WWOX: variants seen among roughly 807,000 people sequenced by gnomAD.
The protein encoded by WWOX is WW domain containing oxidoreductase, also known as WW domain-containing oxidoreductase.
Under a neutral mutation model 46.2 loss-of-function variants are expected in WWOX, and 69 were observed. The ratio of observed to expected loss-of-function variants is 1.49; its 90% CI spans 1.23 to 1.82. The LOEUF is 1.82. WWOX is among the 40% of genes most tolerant of loss of function. The probability of loss-of-function intolerance (pLI) is 0.00; values close to 1 mark genes in which losing one functional copy is unlikely to be tolerated. For synonymous variants in WWOX, 359 were observed against 202.6 expected (o/e 1.77, Z -6.56); for missense variants, 919 against 542.6 (o/e 1.69, Z -6.89).
At chr16:78,598,561 C>G (rs1022558470) in intron 8 of WWOX, among the ~76,000 whole-genome samples, 3 of 152,144 alleles carry the variant, frequency 2.0e-5, no homozygotes, top group Non-Finnish European at 4.4e-5. Context: ...CAGGCAGGCT[C>G]TCAGGTCGGT....
At chr16:78,941,407 G>C (rs904244958) in intron 8 of WWOX, among the ~76,000 whole-genome samples, 4 of 152,012 alleles carry the variant, frequency 2.6e-5, no homozygotes, top group Non-Finnish European at 4.4e-5. Flanking sequence ...CCTGGAGACA[G>C]AGCGTTAGCC....
At chr16:78,329,442 C>T (rs1426875807) in intron 5 of WWOX, among the ~76,000 whole-genome samples, 1 of 152,166 alleles carries the variant, frequency 6.6e-6, no homozygotes. Flanking sequence ...ACCCTGTCGC[C>T]AGTAGCCTGG....
intron 8 of WWOX, among the ~76,000 whole-genome samples, chr16:79,023,849 G>A (rs760517500): frequency 3.1e-4 from 47 of 151,700 alleles, no homozygotes; most frequent in Admixed American, 3.3e-4. Flanking sequence ...CCAGCTACTC[G>A]GGAGGCTGAG....
intron 8 of WWOX, among the ~76,000 whole-genome samples, chr16:78,638,973 GC>G (rs1326655658): frequency 1.3e-5 from 2 of 152,048 alleles, no homozygotes; most frequent in Non-Finnish European, 2.9e-5. Flanking sequence ...GGTAGTGGGG[GC>G]TTAATTTCCT....
intron 8 of WWOX, among the ~76,000 whole-genome samples, chr16:78,854,608 T>C (rs2052525112): frequency 6.6e-6 from 1 of 152,234 alleles, no homozygotes; most frequent in African/African-American, 2.4e-5. Flanking sequence ...TGAAGCAGCA[T>C]GTTGCTTTGT....
At chr16:78,356,299 A>G (rs912989952) in intron 5 of WWOX, among the ~76,000 whole-genome samples, 2 of 144,492 alleles carry the variant, frequency 1.4e-5, no homozygotes, top group Non-Finnish European at 1.5e-5. Context: ...GTGTGTGTGT[A>G]CCTTGATTTA....
In WWOX at chr16:78,447,558, C is replaced by G. The variant is rs562708136; in HGVS notation, c.1056+14806C>G. Among the ~76,000 whole-genome samples the G allele has an allele frequency of 7.2e-4, 110 of 152,188 alleles. 1 individual carries two copies. The highest frequency in any genetic ancestry group is 1.7e-3 in the South Asian group (8 of 4,816). On this transcript the variant is annotated intron_variant, in intron 8 of 8. Coordinates refer to ENST00000566780, the MANE Select transcript of WWOX (RefSeq NM_016373.4). ...ATTCAACTACACTTAGGTAAATATC[C>G]GCATACATGCATGCCTCCCCTTAGA...
chr16:78,851,258 C>T (rs757207605), intron 8 of WWOX, among the ~76,000 whole-genome samples: 5 of 152,002 alleles, frequency 3.3e-5, no homozygotes, highest in Non-Finnish European at 7.4e-5. Context: ...ATGTGTAAAC[C>T]CAGGGTCATA....
intron 8 of WWOX, among the ~76,000 whole-genome samples, chr16:78,945,726 C>G (rs1022011372): frequency 1.3e-5 from 2 of 151,960 alleles, no homozygotes; most frequent in Non-Finnish European, 2.9e-5. Flanking sequence ...TTGCTTCATT[C>G]ATTTCTTTCC....
At chr16:78,984,442 A>C (rs1230423338) in intron 8 of WWOX, among the ~76,000 whole-genome samples, 1 of 152,226 alleles carries the variant, frequency 6.6e-6, no homozygotes, top group African/African-American at 2.4e-5. Context: ...CTGCTGTTGT[A>C]GTGCAAAAGC....
In WWOX at chr16:78,828,543, ATAATT is replaced by A. The variant is rs148888730; in HGVS notation, c.1057-383057_1057-383053del. On this transcript the variant is annotated intron_variant, in intron 8 of 8. Coordinates refer to ENST00000566780, the MANE Select transcript of WWOX (RefSeq NM_016373.4). Reference sequence around the variant, plus strand: ...CATTAGTATATAATTATATATAATAATAATTTAATTTATAACTATATCATTTATTA... The same window carrying A: ...CATTAGTATATAATTATATATAATAATAATTTATAACTATATCATTTATTA... 5.2e-3 allele frequency among the ~76,000 whole-genome samples: 795 copies of A among 151,642 alleles called. 6 individuals carry two copies. Among genetic ancestry groups the A allele is most frequent in the African/African-American group, 0.018 (742 of 41,428 alleles).
At chr16:78,808,076 C>A (rs1312402190) in intron 8 of WWOX, among the ~76,000 whole-genome samples, 1 of 152,196 alleles carries the variant, frequency 6.6e-6, no homozygotes, top group African/African-American at 2.4e-5. Flanking sequence ...CATCCCCTTC[C>A]CCATTTGGAG....
chr16:78,104,241 C>T (rs2031991746), intron 1 of WWOX, among the ~76,000 whole-genome samples: 1 of 150,010 alleles, frequency 6.7e-6, no homozygotes, highest in Admixed American at 6.6e-5. Flanking sequence ...AACACACACA[C>T]ACACACACAC....
At chr16:78,245,702 A>G (rs1421290843) in intron 5 of WWOX, among the ~76,000 whole-genome samples, 5 of 152,224 alleles carry the variant, frequency 3.3e-5, no homozygotes, top group Admixed American at 6.5e-5. Context: ...ATAGAATGCC[A>G]CCACATGGAA....
intron 8 of WWOX, among the ~76,000 whole-genome samples, chr16:78,879,705 C>G (rs750504580): frequency 6.6e-6 from 1 of 151,964 alleles, no homozygotes; most frequent in Non-Finnish European, 1.5e-5. Context: ...TGGAGAAACC[C>G]TGTCGTTACT....
chr16:78,448,068 T>C (rs956600901), intron 8 of WWOX, among the ~76,000 whole-genome samples: 1 of 152,130 alleles, frequency 6.6e-6, no homozygotes, highest in African/African-American at 2.4e-5. Context: ...CCTCCCGATG[T>C]GTTGGGATTA....
At chr16:78,973,345 G>A (rs899414974) in intron 8 of WWOX, among the ~76,000 whole-genome samples, 13 of 152,084 alleles carry the variant, frequency 8.5e-5, no homozygotes, top group Non-Finnish European at 1.2e-4. Context: ...GACTGGGGAA[G>A]GTGATAAAAG....
intron 8 of WWOX, among the ~76,000 whole-genome samples, chr16:79,065,818 G>A (rs943883223): frequency 1.3e-5 from 2 of 151,816 alleles, no homozygotes; most frequent in African/African-American, 4.9e-5. Context: ...AGGACTGCCA[G>A]CCCGTGGGGC....
intron 8 of WWOX, among the ~76,000 whole-genome samples, chr16:78,768,823 G>A (rs2049990481): frequency 6.6e-6 from 1 of 152,078 alleles, no homozygotes; most frequent in Non-Finnish European, 1.5e-5. Context: ...CAGAAATGAG[G>A]TACTGACCCT....
Sources: allele counts gnomAD v4.1 joint callset (sites outside exome capture counted in the v4.1 genomes callset), GRCh38; gene constraint gnomAD v4.1.1; transcripts MANE v1.5; gene names NCBI Gene and HGNC (gene_info 2026-07-23, HGNC 2026-07-21).